Variants in SUCLG2 observed in about 807,000 individuals in gnomAD.
SUCLG2 encodes succinate-CoA ligase GDP-forming subunit beta.
Under a neutral mutation model 47.9 loss-of-function variants are expected in SUCLG2, and 42 were observed. The observed-to-expected ratio is 0.88, with a 90% CI of 0.69 to 1.14. The LOEUF (loss-of-function observed/expected upper bound fraction) is 1.14, where lower values mean the gene tolerates loss of function less well. SUCLG2 is among the 50% of genes most tolerant of loss of function. The pLI is 0.00. For synonymous variants in SUCLG2, 195 were observed against 197.3 expected, an observed-to-expected ratio of 0.99 and a Z score of 0.10; for missense variants, 571 against 525.9, an observed-to-expected ratio of 1.09 and a Z score of -0.84.
intron 10 of SUCLG2, among the ~76,000 whole-genome samples, chr3:67,384,851 A>C (rs1215439529): frequency 1.3e-5 from 2 of 152,236 alleles, no homozygotes; most frequent in Non-Finnish European, 2.9e-5. Flanking sequence ...AGCACTGCTC[A>C]GGCAGCCACT....
chr3:67,455,460 T>C (rs1704160199), intron 9 of SUCLG2, among the ~76,000 whole-genome samples: 1 of 152,202 alleles, frequency 6.6e-6, no homozygotes, highest in African/African-American at 2.4e-5. Flanking sequence ...GGGAGCCTAC[T>C]TTCCAGAATC....
intron 2 of SUCLG2, among the ~76,000 whole-genome samples, chr3:67,598,720 T>C (rs1708349671): frequency 6.6e-6 from 1 of 152,206 alleles, no homozygotes; most frequent in African/African-American, 2.4e-5. Flanking sequence ...ACACACTATT[T>C]ACCGTAACAG....
chr3:67,429,997 A>G (rs1488801249), intron 9 of SUCLG2, among the ~76,000 whole-genome samples: 1 of 152,162 alleles, frequency 6.6e-6, no homozygotes, highest in Non-Finnish European at 1.5e-5. Context: ...ACACAATAAT[A>G]ATGGGAGACT....
chr3:67,476,485 T>C (rs1226560204), intron 9 of SUCLG2, among the ~76,000 whole-genome samples: 1 of 152,108 alleles, frequency 6.6e-6, no homozygotes, highest in African/African-American at 2.4e-5. Context: ...AAGCTCAAAG[T>C]GCCCACTGAT....
At chr3:67,549,278 C>T (rs1054193137) in intron 2 of SUCLG2, among the ~76,000 whole-genome samples, 13 of 152,108 alleles carry the variant, frequency 8.5e-5, no homozygotes, top group South Asian at 6.2e-4. Context: ...GTGACGAAAA[C>T]GACTATCTTT....
intron 2 of SUCLG2, among the ~76,000 whole-genome samples, chr3:67,581,152 C>A (rs999737660): frequency 6.6e-6 from 1 of 152,136 alleles, no homozygotes; most frequent in African/African-American, 2.4e-5. Flanking sequence ...TGTGCTGATG[C>A]AAAGGGAGTT....
rs187214208 is a variant in SUCLG2, at chr3:67,527,143, A to C, written c.417+989T>G. On this transcript the variant is annotated intron_variant, in intron 4 of 10. Coordinates refer to ENST00000307227, the MANE Select transcript of SUCLG2 (RefSeq NM_003848.4). Reference sequence around the variant, plus strand: ...TAAATACTGATAAATACAACAACTTAAGAGTTTTCCACAAAACTCTCCCTG... The same window carrying C: ...TAAATACTGATAAATACAACAACTTCAGAGTTTTCCACAAAACTCTCCCTG... Among the ~76,000 whole-genome samples, 419 of 152,372 alleles carry C rather than the reference A, an allele frequency of 2.7e-3. 3 individuals carry two copies. Among genetic ancestry groups the C allele is most frequent in the African/African-American group, 9.5e-3 (397 of 41,602 alleles).
At chr3:67,409,042 A>G in intron 9 of SUCLG2, 2 of 1,535,016 alleles carry the variant, frequency 1.3e-6, no homozygotes, top group Non-Finnish European at 1.7e-6. Context: ...CTGCTGAATT[A>G]AAATCAATCA....
At position 67,385,890 on chromosome 3, in the gene SUCLG2, G is replaced by A. The variant is rs576965134; in HGVS notation, c.1184-10031C>T. ...TGGCTGGATGGGCTGTGAACAATGGGAGCAGTGGCTATTAGGTAAGCTAAT... is the reference window on the plus strand; with the variant it reads ...TGGCTGGATGGGCTGTGAACAATGGAAGCAGTGGCTATTAGGTAAGCTAAT... On this transcript the variant is annotated intron_variant, in intron 10 of 10. Coordinates refer to ENST00000307227, the MANE Select transcript of SUCLG2 (RefSeq NM_003848.4). Among the ~76,000 whole-genome samples, 10 of 152,318 alleles carry A rather than the reference G, an allele frequency of 6.6e-5. No individual in the cohort carries two copies. The South Asian group carries it at 2.1e-3, about 32-fold the overall frequency.
intron 2 of SUCLG2, among the ~76,000 whole-genome samples, chr3:67,543,444 G>T (rs56067370): frequency 0.5 from 75,759 of 151,892 alleles, 20,486 homozygotes; most frequent in Non-Finnish European, 0.6. Flanking sequence ...AGACAGGTGG[G>T]TTGCTTGAGC....
chr3:67,653,564 T>A (rs941251308), intron 1 of SUCLG2, among the ~76,000 whole-genome samples: 1 of 152,210 alleles, frequency 6.6e-6, no homozygotes, highest in South Asian at 2.1e-4. Context: ...CTGGTTAAAA[T>A]TGTATGAGTG....
intron 9 of SUCLG2, among the ~76,000 whole-genome samples, chr3:67,449,860 T>C (rs568821877): frequency 6.6e-6 from 1 of 152,252 alleles, no homozygotes; most frequent in Non-Finnish European, 1.5e-5. Flanking sequence ...GTGATCCACC[T>C]GCATGGCCTC....
chr3:67,522,158 G>A (rs186623874), intron 4 of SUCLG2, among the ~76,000 whole-genome samples: 27 of 151,788 alleles, frequency 1.8e-4, no homozygotes, highest in Admixed American at 9.8e-4. Flanking sequence ...AGGTTCAAAC[G>A]AATCTCCTGA....
chr3:67,528,923 ACTAGGGCACTG>A (rs987242141), intron 3 of SUCLG2, among the ~76,000 whole-genome samples, 153 bp downstream of exon 3: 8 of 152,112 alleles, frequency 5.3e-5, no homozygotes, highest in Non-Finnish European at 8.8e-5. Flanking sequence ...CAGAAGGAAA[ACTAGGGCACTG>A]CCAGAGCCCT....
chr3:67,406,549 G>C (rs13059508), intron 9 of SUCLG2, among the ~76,000 whole-genome samples: 66,445 of 151,928 alleles, frequency 0.44, 15,665 homozygotes, highest in Middle Eastern at 0.55. Context: ...GATTAAGAGA[G>C]GGAGAAAAGT....
chr3:67,395,089 C>CGA (rs1249402682), intron 10 of SUCLG2, among the ~76,000 whole-genome samples: 3 of 151,842 alleles, frequency 2.0e-5, no homozygotes, highest in African/African-American at 7.3e-5. Context: ...TAAAGACCAT[C>CGA]GAGACTAGGA....
intron 7 of SUCLG2, among the ~76,000 whole-genome samples, chr3:67,506,740 C>T (rs1705648480): frequency 1.3e-5 from 2 of 152,166 alleles, no homozygotes; most frequent in Non-Finnish European, 2.9e-5. Context: ...GTTGAAAAAG[C>T]AATATATGAC....
Position 67,654,603 on chromosome 3 carries a change from G to T in SUCLG2, c.-17C>A. ...GGACGCCATCTTAAACAGGAAACTC[G>T]GCACGGGGCAGTAGGGCGGGCGCGG... is the stretch of plus-strand genomic sequence containing the variant. On this transcript the variant is annotated 5_prime_UTR_variant, in exon 1 of 11. Coordinates refer to ENST00000307227, the MANE Select transcript of SUCLG2 (RefSeq NM_003848.4). 2 of 1,266,050 alleles carry T rather than the reference G, an allele frequency of 1.6e-6. No homozygotes were observed. The highest frequency in any genetic ancestry group is 3.0e-5 in the East Asian group (1 of 33,850). The allele number at this position is 1,266,050 out of a possible 1,614,324, so 78.4% of individuals were successfully genotyped here.
At chr3:67,621,540 G>C (rs1293913413) in intron 1 of SUCLG2, among the ~76,000 whole-genome samples, 1 of 152,188 alleles carries the variant, frequency 6.6e-6, no homozygotes, top group East Asian at 1.9e-4. Flanking sequence ...GCAGTATTGA[G>C]AGGTGGGATC....
Sources: gnomAD v4.1 joint callset for allele counts (sites outside exome capture counted in the v4.1 genomes callset) on GRCh38, gnomAD v4.1.1 for gene constraint, MANE v1.5 for transcripts, NCBI Gene and HGNC (gene_info 2026-07-23, HGNC 2026-07-21) for gene names.